Variants in DNAJB1 observed in about 807,000 individuals in gnomAD.
The protein encoded by DNAJB1 is dnaJ homolog subfamily B member 1.
In DNAJB1, 14 loss-of-function variants were observed where a neutral mutation model predicts 24.0. The observed-to-expected ratio is 0.58, with a 90% CI of 0.39 to 0.91. The LOEUF is 0.91. Ranked by LOEUF, DNAJB1 falls within the 40% of genes least tolerant of loss-of-function variation. The pLI is 0.00. For missense variants in DNAJB1, 517 were observed against 458.1 expected, an observed-to-expected ratio of 1.13 and a Z score of -1.17; for synonymous variants, 262 against 174.4, an observed-to-expected ratio of 1.50 and a Z score of -3.96.
intron 1 of DNAJB1, among the ~76,000 whole-genome samples, chr19:14,543,301 G>T (rs1189089318): frequency 2.0e-4 from 26 of 133,072 alleles, no homozygotes; most frequent in Admixed American, 1.1e-3. Context: ...GTGGGGTGGG[G>T]GTGTGTGTGT....
At chr19:14,540,553 C>A (rs1447979473) in intron 1 of DNAJB1, among the ~76,000 whole-genome samples, 1 of 151,804 alleles carries the variant, frequency 6.6e-6, no homozygotes, top group African/African-American at 2.4e-5. Flanking sequence ...CACCACACCC[C>A]ACTAATTTTT....
intron 1 of DNAJB1, among the ~76,000 whole-genome samples, chr19:14,548,166 G>A (rs2073369279): frequency 6.6e-6 from 1 of 151,812 alleles, no homozygotes; most frequent in African/African-American, 2.4e-5. Flanking sequence ...GTTTCACCGT[G>A]TTAGCCAGGA....
chr19:14,555,320 C>T (rs1343679566), upstream of DNAJB1, among the ~76,000 whole-genome samples: 1 of 150,608 alleles, frequency 6.6e-6, no homozygotes, highest in African/African-American at 2.4e-5. Flanking sequence ...GTGATCTCGG[C>T]TCACTGCAAC....
chr19:14,550,715 C>G (rs1037675657), upstream of DNAJB1, among the ~76,000 whole-genome samples: 1 of 152,132 alleles, frequency 6.6e-6, no homozygotes, highest in Non-Finnish European at 1.5e-5. Context: ...GAGTCTTGCT[C>G]TGTTGCACAT....
At chr19:14,518,591 C>A (rs1042934080), upstream of DNAJB1, among the ~76,000 whole-genome samples, 1 of 152,070 alleles carries the variant, frequency 6.6e-6, no homozygotes, top group South Asian at 2.1e-4. Flanking sequence ...CCCCCTCCCG[C>A]TCCGCCCTCG....
upstream of DNAJB1, among the ~76,000 whole-genome samples, chr19:14,520,219 C>T (rs188194834): frequency 1.1e-4 from 16 of 152,302 alleles, no homozygotes; most frequent in East Asian, 2.9e-3. Flanking sequence ...GGGTGACTAA[C>T]CATTTTCTTA....
chr19:14,544,115 A>T (rs2073221298), intron 1 of DNAJB1, among the ~76,000 whole-genome samples: 1 of 151,864 alleles, frequency 6.6e-6, no homozygotes, highest in African/African-American at 2.4e-5. Context: ...CCCTATCCAA[A>T]TACTGGTGTG....
intron 1 of DNAJB1, among the ~76,000 whole-genome samples, chr19:14,546,221 C>G (rs1245912654): frequency 6.6e-6 from 1 of 152,096 alleles, no homozygotes; most frequent in African/African-American, 2.4e-5. Flanking sequence ...GATCATAGAT[C>G]ACACTGAAAG....
chr19:14,556,775 C>G (rs369959803), intron 1 of DNAJB1, among the ~76,000 whole-genome samples: 1 of 152,188 alleles, frequency 6.6e-6, no homozygotes, highest in South Asian at 2.1e-4. Context: ...GTTCCTGAGC[C>G]GGCTGCTGCG....
chr19:14,515,262 CAG>C lies in DNAJB1; in HGVS notation c.*676_*677del. On this transcript the variant is annotated 3_prime_UTR_variant, in exon 3 of 3. Coordinates refer to ENST00000254322, the MANE Select transcript of DNAJB1 (RefSeq NM_006145.3). ...TGAGGACATTCAGCTTCACTGGAGC[CAG>C]AGGTCAGGAAGGCCCCTTGCTGAGG... 1 of 152,572 alleles carries C rather than the reference CAG, an allele frequency of 6.6e-6. No individual in the cohort carries two copies. The allele number at this position is 152,572 out of a possible 1,614,324, so 9.5% of individuals were successfully genotyped here. A position where few individuals can be genotyped will look rare whatever the true frequency, so the allele number is the denominator to read the frequency against.
chr19:14,533,778 T>C (rs1238766764), upstream of DNAJB1, among the ~76,000 whole-genome samples: 1 of 152,184 alleles, frequency 6.6e-6, no homozygotes, highest in East Asian at 1.9e-4. Flanking sequence ...ACGGGTCACC[T>C]CCAGGCCTTG....
chr19:14,517,211 G>A (rs1369699073), intron 1 of DNAJB1, 165 bp from the exon 2 acceptor site: 1 of 646,218 alleles, frequency 1.5e-6, no homozygotes, highest in Non-Finnish European at 2.6e-6. Context: ...GCCAACAGCA[G>A]AGACGCCCCC....
chr19:14,521,122 C>CTTTA (rs553717955), upstream of DNAJB1, among the ~76,000 whole-genome samples: 217 of 152,272 alleles, frequency 1.4e-3, 5 homozygotes, highest in Admixed American at 0.013. Flanking sequence ...CCTCCAAAGG[C>CTTTA]TTTAACATGG....
exon 1 of DNAJB1, among the ~76,000 whole-genome samples, chr19:14,550,247 G>A (rs907051511): frequency 2.6e-5 from 4 of 152,052 alleles, no homozygotes; most frequent in Non-Finnish European, 5.9e-5. Flanking sequence ...GAGATGATTC[G>A]TGTTGAGGAT....
At chr19:14,538,461 G>T (rs560109239) in intron 1 of DNAJB1, among the ~76,000 whole-genome samples, 2 of 152,232 alleles carry the variant, frequency 1.3e-5, no homozygotes, top group South Asian at 4.1e-4. Flanking sequence ...GGTAAGGACA[G>T]ATCAGCATCC....
In DNAJB1 at chr19:14,514,836, T is replaced by C. The variant is rs925807899; in HGVS notation, c.*1104A>G. The C allele has an allele frequency of 6.6e-6, 1 of 152,630 alleles. No homozygotes were observed. Among genetic ancestry groups the C allele is most frequent in the Non-Finnish European group, 1.5e-5 (1 of 68,046 alleles). The allele number at this position is 152,630 out of a possible 1,614,324, so 9.5% of individuals were successfully genotyped here. On this transcript the variant is annotated 3_prime_UTR_variant, in exon 3 of 3. Transcript: ENST00000254322. ...CTAGTCACACACTTTGGTCTCATGT[T>C]GGCAGTGGCAACTTACAATGAGTCT... is the stretch of plus-strand genomic sequence containing the variant.
chr19:14,540,422 G>C (rs536481161), intron 1 of DNAJB1, among the ~76,000 whole-genome samples: 26 of 150,222 alleles, frequency 1.7e-4, no homozygotes, highest in African/African-American at 4.9e-4. Flanking sequence ...AGGCAGAGTC[G>C]TGCTCTGTCA....
At chr19:14,527,328 C>T (rs2146536220) in intron 2 of DNAJB1, 1 of 151,704 alleles carries the variant, frequency 6.6e-6, no homozygotes, top group East Asian at 1.9e-4. Context: ...ATTACAGGTG[C>T]CCACCACCAC....
chr19:14,552,574 C>A (rs2073567620), upstream of DNAJB1, among the ~76,000 whole-genome samples: 1 of 151,778 alleles, frequency 6.6e-6, no homozygotes, highest in South Asian at 2.1e-4. Context: ...CGTTCTGTCG[C>A]CCAGGCTGGA....
Sources: gnomAD v4.1 joint callset for allele counts (sites outside exome capture counted in the v4.1 genomes callset) on GRCh38, gnomAD v4.1.1 for gene constraint, MANE v1.5 for transcripts, NCBI Gene and HGNC (gene_info 2026-07-23, HGNC 2026-07-21) for gene names.